The following FBLN1 variants were observed in gnomAD, a reference collection of about 807,000 sequenced individuals.
FBLN1 encodes the protein fibulin-1.
In FBLN1, 34 loss-of-function variants were observed where a neutral mutation model predicts 89.7. That is an observed-to-expected ratio of 0.38 (90% confidence interval 0.29 to 0.50). FBLN1 has a LOEUF of 0.50. Ranked by LOEUF, FBLN1 falls within the 20% of genes least tolerant of loss-of-function variation. FBLN1 has a pLI of 0.92. For missense variants in FBLN1, 777 were observed against 988.1 expected (o/e 0.79, Z 2.86); for synonymous variants, 393 against 391.3 (o/e 1.00, Z -0.05).
chr22:45,539,232 C>G (rs1454376747), intron 8 of FBLN1, among the ~76,000 whole-genome samples: 1 of 133,372 alleles, frequency 7.5e-6, no homozygotes, highest in Admixed American at 8.1e-5. Context: ...GAGACAGTCT[C>G]ACTGTCACCC....
At position 45,550,788 on chromosome 22, in the gene FBLN1, T is replaced by A; in HGVS notation, c.1697+173T>A. ...TCAAGCCCCTAAATGCTAGTGACAC[T>A]GGTCTCGGAAAGTCAAGGGGGTAAC... On this transcript the variant is annotated intron_variant, in intron 14 of 16. Coordinates refer to ENST00000327858, the MANE Select transcript of FBLN1 (RefSeq NM_006486.3). This position sits in a 1 kb window ranked among gnomAD's most constrained non-coding sequence, Gnocchi z 8.4. 1 of 922,152 alleles carries A rather than the reference T, an allele frequency of 1.1e-6. No homozygotes were observed. The highest frequency in any genetic ancestry group is 1.7e-6 in the Non-Finnish European group (1 of 580,402). The allele number at this position is 922,152 out of a possible 1,614,324, so 57.1% of individuals were successfully genotyped here.
rs2089044660 is a variant in FBLN1 at position 45,581,853 on chromosome 22, C to T, written c.1972+4745C>T. Among the ~76,000 whole-genome samples, 4 of 152,058 alleles carry T rather than the reference C, an allele frequency of 2.6e-5. No homozygotes were observed. On this transcript the variant is annotated intron_variant, in intron 16 of 16. Transcript: ENST00000327858. The surrounding 1 kb of genome is among the most constrained non-coding windows in gnomAD (Gnocchi z 7.6). ...GGCAGGGAGCCAGGAAGGGAGGGCA[C>T]AGCCTGCGGTTTGGGGCTGCTGGAG...
intron 1 of FBLN1, among the ~76,000 whole-genome samples, chr22:45,513,981 C>T (rs926782227): frequency 2.6e-5 from 4 of 152,028 alleles, no homozygotes; most frequent in Non-Finnish European, 5.9e-5. Flanking sequence ...TTAGTAGAGA[C>T]GGGGTTTCAC....
At position 45,575,050 on chromosome 22, in the gene FBLN1, G is replaced by A. The variant is rs113737749; in HGVS notation, c.1840+397G>A. Among the ~76,000 whole-genome samples, 974 of 152,224 alleles carry A rather than the reference G, an allele frequency of 6.4e-3. 5 individuals carry two copies. Among genetic ancestry groups the A allele is most frequent in the African/African-American group, 0.022 (920 of 41,544 alleles). On this transcript the variant is annotated intron_variant, in intron 15 of 16. Transcript: ENST00000327858. The surrounding 1 kb of genome is among the most constrained non-coding windows in gnomAD (Gnocchi z 6.3). ...ACCCGCCTCAGCCTCCCAAAGTGCT[G>A]GGATTACAGGCGTGAGCCACCGCGC...
In FBLN1 at chr22:45,576,109, CT is replaced by C. The variant is rs2088995078; in HGVS notation, c.1841-867del. On this transcript the variant is annotated intron_variant, in intron 15 of 16. Transcript: ENST00000327858. The surrounding 1 kb of genome is among the most constrained non-coding windows in gnomAD (Gnocchi z 5.2). The stretch of plus-strand genomic sequence containing the variant: ...GGAGCCGTCCCCAGTCCCAGTCCCC[CT>C]AGGTTTGCTCCTCCCGAAAAGGAAT... Among the ~76,000 whole-genome samples, 3 of 152,176 alleles carry C rather than the reference CT, an allele frequency of 2.0e-5. No homozygotes were observed. Among genetic ancestry groups the C allele is most frequent in the South Asian group, 2.1e-4 (1 of 4,834 alleles).
intron 1 of FBLN1, among the ~76,000 whole-genome samples, chr22:45,504,164 G>A (rs1009944603): frequency 3.3e-5 from 5 of 150,798 alleles, no homozygotes; most frequent in Non-Finnish European, 7.4e-5. Flanking sequence ...TCAAAAGGTC[G>A]CTTGTCCCAA....
At chr22:45,520,575 C>T (rs540915132) in intron 2 of FBLN1, among the ~76,000 whole-genome samples, 48 of 152,284 alleles carry the variant, frequency 3.2e-4, no homozygotes, top group Admixed American at 3.0e-3. Context: ...GTTAGGACTT[C>T]ACCAGATAGA....
chr22:45,563,504 G>A lies in FBLN1; in HGVS notation c.1698-11007G>A. ...CCCCACTAGAGGGTGTGTGCTCGGG[G>A]GTCCCTGTTCACAGAGCCCACTGTC... On this transcript the variant is annotated intron_variant, in intron 14 of 16. Transcript: ENST00000327858. This position sits in a 1 kb window ranked among gnomAD's most constrained non-coding sequence, Gnocchi z 5.7. 1 of 813,554 alleles carries A rather than the reference G, an allele frequency of 1.2e-6. No individual in the cohort carries two copies. The highest frequency in any genetic ancestry group is 1.9e-6 in the Non-Finnish European group (1 of 536,188). 50.4% of individuals were successfully genotyped at this position (813,554 alleles called of 1,614,324 possible).
rs929925217 is a variant in FBLN1, at chr22:45,563,079, C to T, written c.1698-11432C>T. 6 of 1,613,492 alleles carry T rather than the reference C, an allele frequency of 3.7e-6. No individual in the cohort carries two copies. Among genetic ancestry groups the T allele is most frequent in the South Asian group, 1.1e-5 (1 of 91,080 alleles). ...GGGGACAGCATGCAGCTGGCCATCA[C>T]CGGCGGCAATGAGGAGGGCTTTTTC... On this transcript the variant is annotated intron_variant, in intron 14 of 16. Transcript: ENST00000327858. The surrounding 1 kb of genome is among the most constrained non-coding windows in gnomAD (Gnocchi z 5.7).
Position 45,525,654 on chromosome 22 carries a change from C to A in FBLN1, c.297C>A (p.Ala99=). 1 of 1,551,444 alleles carries A rather than the reference C, an allele frequency of 6.4e-7. No homozygotes were observed. The highest frequency in any genetic ancestry group is 8.7e-7 in the Non-Finnish European group (1 of 1,147,028). Residue 99 remains alanine, a synonymous_variant, in exon 3 of 17, where the codon GCC becomes GCA. Transcript: ENST00000327858. Reference sequence around the variant, plus strand: ...GTGCCACGCCCCACGGTGACAACGCCAGCCTGGAGGCCACATTTGTGAAGG... The same window carrying A: ...GTGCCACGCCCCACGGTGACAACGCAAGCCTGGAGGCCACATTTGTGAAGG... The part of the protein sequence containing the change: ...DRCATPHGDN[A]SLEATFVKRC...
intron 16 of FBLN1, among the ~76,000 whole-genome samples, chr22:45,595,306 C>T (rs1227762550): frequency 1.3e-5 from 2 of 152,172 alleles, no homozygotes; most frequent in Non-Finnish European, 2.9e-5. Context: ...TTTGGAAGGT[C>T]AGGAAGGGGT....
At chr22:45,514,512 G>A (rs573395751) in intron 1 of FBLN1, among the ~76,000 whole-genome samples, 136 of 152,290 alleles carry the variant, frequency 8.9e-4, no homozygotes, top group African/African-American at 2.9e-3. Flanking sequence ...GGCTTTTGCC[G>A]AAATTCTAAC....
chr22:45,512,464 G>C (rs1299170092), intron 1 of FBLN1, among the ~76,000 whole-genome samples: 1 of 152,122 alleles, frequency 6.6e-6, no homozygotes, highest in African/African-American at 2.4e-5. Flanking sequence ...CACTGAGAAG[G>C]CAACACATGG....
chr22:45,581,957 C>T lies in FBLN1; in HGVS notation c.1972+4849C>T, dbSNP rs1039588052. Among the ~76,000 whole-genome samples the T allele has an allele frequency of 2.0e-5, 3 of 152,130 alleles. No homozygotes were observed. The highest frequency in any genetic ancestry group is 7.2e-5 in the African/African-American group (3 of 41,414). ...GCCTTGGTGGATGCTGTCCTGGGGA[C>T]CACGGGAGCCACGGGAGGTCTGTGC... On this transcript the variant is annotated intron_variant, in intron 16 of 16. Coordinates refer to ENST00000327858, the MANE Select transcript of FBLN1 (RefSeq NM_006486.3). This position sits in a 1 kb window ranked among gnomAD's most constrained non-coding sequence, Gnocchi z 7.6.
chr22:45,557,387 G>C lies in FBLN1; in HGVS notation c.1697+6772G>C, dbSNP rs1354580264. ...GTCCAGTATAATCAACCTGCCACCA[G>C]GTAGCTGGCTGATCACCCCGAGGCA... On this transcript the variant is annotated intron_variant, in intron 14 of 16. Transcript: ENST00000327858. This position sits in a 1 kb window ranked among gnomAD's most constrained non-coding sequence, Gnocchi z 4.9. 1.3e-5 allele frequency among the ~76,000 whole-genome samples: 2 copies of C among 152,196 alleles called. No homozygotes were observed. The highest frequency in any genetic ancestry group is 2.9e-5 in the Non-Finnish European group (2 of 68,038).
Position 45,550,195 on chromosome 22 carries a change from T to A in FBLN1, c.1574-297T>A, listed in dbSNP as rs1387138731. Reference sequence around the variant, plus strand: ...TGCCTCATTGAGTTCTTAGGAGGATTCAGTGACTTATCCTTGCGAGGTACT... The same window carrying A: ...TGCCTCATTGAGTTCTTAGGAGGATACAGTGACTTATCCTTGCGAGGTACT... On this transcript the variant is annotated intron_variant, in intron 13 of 16. Transcript: ENST00000327858. This position sits in a 1 kb window ranked among gnomAD's most constrained non-coding sequence, Gnocchi z 8.4. 6.6e-6 allele frequency among the ~76,000 whole-genome samples: 1 copy of A among 152,216 alleles called. No individual in the cohort carries two copies. The highest frequency in any genetic ancestry group is 1.5e-5 in the Non-Finnish European group (1 of 68,026).
intron 14 of FBLN1, among the ~76,000 whole-genome samples, chr22:45,571,452 C>A (rs531422381): frequency 7.3e-4 from 111 of 152,236 alleles, no homozygotes; most frequent in African/African-American, 2.6e-3. Context: ...ATAGGTCAGA[C>A]AATGTAGACA....
At chr22:45,586,541 G>A (rs970808825) in intron 16 of FBLN1, among the ~76,000 whole-genome samples, 3 of 152,240 alleles carry the variant, frequency 2.0e-5, no homozygotes, top group Non-Finnish European at 2.9e-5. Flanking sequence ...AACTTGAGAC[G>A]TCTGCCTTGC....
rs191394196 is a variant in FBLN1 at position 45,561,696 on chromosome 22, G to T, written c.1697+11081G>T. On this transcript the variant is annotated intron_variant, in intron 14 of 16. Coordinates refer to ENST00000327858, the MANE Select transcript of FBLN1 (RefSeq NM_006486.3). This position sits in a 1 kb window ranked among gnomAD's most constrained non-coding sequence, Gnocchi z 4.7. ...GGTACCAAAATCTGTAGTAGTTAGG[G>T]TTCTCTAGAGGGACAGAACTAACGG... 1.5e-3 allele frequency among the ~76,000 whole-genome samples: 228 copies of T among 152,256 alleles called. 4 individuals carry two copies. Among genetic ancestry groups the T allele is most frequent in the East Asian group, 0.014 (74 of 5,180 alleles).
Sources: gnomAD v4.1 joint callset for allele counts (sites outside exome capture counted in the v4.1 genomes callset) on GRCh38, gnomAD v4.1.1 for gene constraint, Gnocchi (gnomAD v3.1) non-coding constraint, MANE v1.5 for transcripts, NCBI Gene and HGNC (gene_info 2026-07-23, HGNC 2026-07-21) for gene names.